Variants in PDS5B observed in about 807,000 individuals in gnomAD.
PDS5B encodes sister chromatid cohesion protein PDS5 homolog B.
Under a neutral mutation model 184.1 loss-of-function variants are expected in PDS5B, and 51 were observed. That is an observed-to-expected ratio of 0.28 (90% CI 0.22 to 0.35). PDS5B has a LOEUF of 0.35. PDS5B is among the 10% of genes least tolerant of loss of function. The probability of loss-of-function intolerance (pLI) is 1.00; values close to 1 mark genes in which losing one functional copy is unlikely to be tolerated. For synonymous variants in PDS5B, 566 were observed against 569.2 expected (o/e 0.99, Z 0.08); for missense variants, 1,180 against 1,723.3 (o/e 0.68, Z 5.58).
intron 18 of PDS5B, among the ~76,000 whole-genome samples, chr13:32,707,288 T>C (rs1952054691): frequency 6.6e-6 from 1 of 152,138 alleles, no homozygotes; most frequent in East Asian, 1.9e-4. Flanking sequence ...AGGGTGTCAT[T>C]AGTGAGCAAA....
intron 18 of PDS5B, among the ~76,000 whole-genome samples, chr13:32,707,483 C>CTAAA (rs1426127509): frequency 1.3e-5 from 2 of 150,934 alleles, no homozygotes; most frequent in African/African-American, 4.9e-5. Flanking sequence ...CTTTTGTTTC[C>CTAAA]TTTTAATCTT....
At chr13:32,715,177 T>C (rs908052243) in intron 19 of PDS5B, among the ~76,000 whole-genome samples, 1 of 152,146 alleles carries the variant, frequency 6.6e-6, no homozygotes, top group Non-Finnish European at 1.5e-5. Flanking sequence ...CCACACACAA[T>C]TTCTGAAGTT....
chr13:32,626,399 A>G (rs1035904795), intron 1 of PDS5B, among the ~76,000 whole-genome samples: 4 of 152,352 alleles, frequency 2.6e-5, no homozygotes, highest in East Asian at 3.9e-4. Context: ...GCTAAAGTGT[A>G]TTGGAAAACC....
chr13:32,691,564 C>T (rs1203204529), intron 13 of PDS5B, among the ~76,000 whole-genome samples: 1 of 152,086 alleles, frequency 6.6e-6, no homozygotes, highest in African/African-American at 2.4e-5. Context: ...AATTTAGCTA[C>T]TTATTGAAAT....
intron 19 of PDS5B, among the ~76,000 whole-genome samples, chr13:32,728,322 C>A (rs565194913): frequency 7.9e-5 from 12 of 151,986 alleles, no homozygotes; most frequent in African/African-American, 2.9e-4. Flanking sequence ...TAATTTTTGT[C>A]CAGGTTGTAT....
chr13:32,770,386 T>C lies in PDS5B; in HGVS notation c.3890T>C (p.Leu1297Pro). 1 of 1,613,082 alleles carries C rather than the reference T, an allele frequency of 6.2e-7. No individual in the cohort carries two copies. Among genetic ancestry groups the C allele is most frequent in the Non-Finnish European group, 8.5e-7 (1 of 1,179,850 alleles). ...KGKRGRPPKP[L>P]GGGTPKEEPT... ...AAAAGAGGCCGACCACCAAAACCTC[T>C]TGGTGGAGGTACACCAAAAGAAGAG... The change falls in exon 32 of 35, where the codon CTT becomes CCT. Residue 1297 changes from leucine to proline, a missense_variant. By Grantham distance (98) the Leu-to-Pro change is moderately conservative. Transcript: ENST00000315596.
At chr13:32,678,705 T>G in intron 9 of PDS5B, 130 bp from the exon 10 acceptor site, 1 of 598,956 alleles carries the variant, frequency 1.7e-6, no homozygotes. Flanking sequence ...TAAAATGGTT[T>G]GGTTCTACTT....
At chr13:32,692,340 G>T (rs1215630866) in intron 13 of PDS5B, among the ~76,000 whole-genome samples, 1 of 149,198 alleles carries the variant, frequency 6.7e-6, no homozygotes, top group Non-Finnish European at 1.5e-5. Flanking sequence ...TCCTATTAGC[G>T]ACAGTAGTAG....
intron 1 of PDS5B, among the ~76,000 whole-genome samples, chr13:32,608,407 C>T (rs1440274977): frequency 2.0e-5 from 3 of 152,176 alleles, no homozygotes; most frequent in African/African-American, 7.2e-5. Flanking sequence ...ACTTCCATCT[C>T]TGTCAGCTAG....
chr13:32,720,328 A>G (rs551304739), intron 19 of PDS5B, among the ~76,000 whole-genome samples: 47 of 152,296 alleles, frequency 3.1e-4, no homozygotes, highest in East Asian at 1.5e-3. Context: ...AAATGATGCT[A>G]TGCTTCTAGG....
intron 1 of PDS5B, among the ~76,000 whole-genome samples, chr13:32,608,367 G>T (rs554762147): frequency 1.3e-5 from 2 of 152,248 alleles, no homozygotes; most frequent in South Asian, 4.1e-4. Context: ...CATATTCACC[G>T]CTTTCTATAG....
chr13:32,715,548 G>A (rs185325468), intron 19 of PDS5B, among the ~76,000 whole-genome samples: 64 of 152,288 alleles, frequency 4.2e-4, no homozygotes, highest in South Asian at 1.5e-3. Context: ...AGTTCAAGAT[G>A]AGGAAAGACA....
At chr13:32,717,734 A>G (rs1952516870) in intron 19 of PDS5B, among the ~76,000 whole-genome samples, 1 of 150,536 alleles carries the variant, frequency 6.6e-6, no homozygotes, top group Admixed American at 6.6e-5. Flanking sequence ...AAAAAAAAAA[A>G]AGCACCAATG....
At chr13:32,645,693 CTTG>C (rs1294269671) in intron 1 of PDS5B, among the ~76,000 whole-genome samples, 1 of 152,078 alleles carries the variant, frequency 6.6e-6, no homozygotes, top group African/African-American at 2.4e-5. Context: ...TGGAGCTTTT[CTTG>C]TTATCTGTTT....
chr13:32,648,637 T>C (rs1435143940), intron 1 of PDS5B, 117 bp from the exon 2 acceptor site: 9 of 569,100 alleles, frequency 1.6e-5, no homozygotes, highest in Non-Finnish European at 2.2e-5. Context: ...TAAAGTAAAT[T>C]ACTATAAATT....
At chr13:32,701,468 T>G (rs1951859118) in intron 17 of PDS5B, 30 bp downstream of exon 17, 1 of 1,295,258 alleles carries the variant, frequency 7.7e-7, no homozygotes, top group Admixed American at 1.8e-5. Context: ...TAAGTTCTCA[T>G]TGCTGTTCAT....
chr13:32,643,737 A>G (rs757094046), intron 1 of PDS5B, among the ~76,000 whole-genome samples: 1 of 152,170 alleles, frequency 6.6e-6, no homozygotes, highest in Non-Finnish European at 1.5e-5. Context: ...AGGCTATACC[A>G]TATAGCCTAG....
At chr13:32,664,003 G>A (rs1950719741) in intron 6 of PDS5B, among the ~76,000 whole-genome samples, 1 of 152,128 alleles carries the variant, frequency 6.6e-6, no homozygotes, top group African/African-American at 2.4e-5. Flanking sequence ...ACTTCACTTA[G>A]AATAATGGCC....
chr13:32,694,134 A>T (rs1184534797), intron 13 of PDS5B, 89 bp from the exon 14 acceptor site: 2 of 866,000 alleles, frequency 2.3e-6, no homozygotes, highest in African/African-American at 3.5e-5. Flanking sequence ...CTCCTTTTAT[A>T]ATTTGAACCT....
Sources: allele counts gnomAD v4.1 joint callset (sites outside exome capture counted in the v4.1 genomes callset), GRCh38; gene constraint gnomAD v4.1.1; transcripts MANE v1.5; gene names NCBI Gene and HGNC (gene_info 2026-07-23, HGNC 2026-07-21).